The following MARCHF1 variants were observed in gnomAD, a reference collection of about 807,000 sequenced individuals.
MARCHF1 encodes the protein membrane associated ring-CH-type finger 1.
A neutral mutation model predicts 54.2 loss-of-function variants in MARCHF1; 40 were observed. The ratio of observed to expected loss-of-function variants is 0.74; its 90% CI spans 0.57 to 0.96. The LOEUF (loss-of-function observed/expected upper bound fraction) is 0.96, where lower values mean the gene tolerates loss of function less well. Ranked by LOEUF, MARCHF1 falls within the 40% of genes least tolerant of loss-of-function variation. The pLI is 0.00. For missense variants in MARCHF1, 586 were observed against 656.5 expected (o/e 0.89, Z 1.17); for synonymous variants, 236 against 236.3 (o/e 1.00, Z 0.01).
intron 5 of MARCHF1, among the ~76,000 whole-genome samples, chr4:163,640,786 C>T (rs1742525443): frequency 6.6e-6 from 1 of 151,992 alleles, no homozygotes; most frequent in South Asian, 2.1e-4. Flanking sequence ...AGCAAAATTG[C>T]ATTTAATTTT....
chr4:163,865,457 A>G (rs1216325966), intron 3 of MARCHF1, among the ~76,000 whole-genome samples: 2 of 151,896 alleles, frequency 1.3e-5, no homozygotes, highest in Non-Finnish European at 2.9e-5. Context: ...CTGCATCTTA[A>G]AAGCCATTGG....
At chr4:164,382,678 T>A (rs1731402992) in intron 1 of MARCHF1, among the ~76,000 whole-genome samples, 1 of 152,164 alleles carries the variant, frequency 6.6e-6, no homozygotes, top group Non-Finnish European at 1.5e-5. Context: ...TACCACCGCT[T>A]CCTTGTGATC....
intron 9 of MARCHF1, among the ~76,000 whole-genome samples, chr4:163,540,786 C>G (rs1738696668): frequency 6.6e-6 from 1 of 152,190 alleles, no homozygotes; most frequent in African/African-American, 2.4e-5. Flanking sequence ...CTTTGGGAGG[C>G]TGAGGCGAGC....
chr4:164,373,396 C>T (rs1360631670), intron 1 of MARCHF1, among the ~76,000 whole-genome samples: 1 of 146,226 alleles, frequency 6.8e-6, no homozygotes, highest in Non-Finnish European at 1.5e-5. Flanking sequence ...TCACTCTCAC[C>T]CAGGCTAGAA....
chr4:164,081,251 C>CATATTAA (rs1755095945), intron 2 of MARCHF1, among the ~76,000 whole-genome samples: 1 of 116,170 alleles, frequency 8.6e-6, no homozygotes, highest in Non-Finnish European at 1.8e-5. Flanking sequence ...ATATTATTTG[C>CATATTAA]ATATTAAATT....
chr4:163,986,250 T>C (rs1374279842), intron 3 of MARCHF1, among the ~76,000 whole-genome samples: 17 of 7,022 alleles, frequency 2.4e-3, no homozygotes, highest in Non-Finnish European at 5.5e-3. Flanking sequence ...TAACCTCTTC[T>C]TTTTTTTTTT....
chr4:164,040,363 A>T (rs917694373), intron 2 of MARCHF1, among the ~76,000 whole-genome samples: 1 of 126,348 alleles, frequency 7.9e-6, no homozygotes, highest in Non-Finnish European at 1.7e-5. Context: ...TTCTTATTAA[A>T]TACTTACATA....
intron 5 of MARCHF1, among the ~76,000 whole-genome samples, chr4:163,658,589 A>G (rs1460622112): frequency 6.6e-6 from 1 of 151,994 alleles, no homozygotes; most frequent in Non-Finnish European, 1.5e-5. Context: ...TACTATCAAG[A>G]CCATGGAATA....
At chr4:164,184,176 C>A (rs551904184) in intron 1 of MARCHF1, among the ~76,000 whole-genome samples, 1 of 152,284 alleles carries the variant, frequency 6.6e-6, no homozygotes, top group East Asian at 1.9e-4. Context: ...AGCTGGTTTG[C>A]TCAACACCAC....
At chr4:163,533,973 C>CCTCA (rs145642388) in intron 9 of MARCHF1, among the ~76,000 whole-genome samples, 1,654 of 152,024 alleles carry the variant, frequency 0.011, 25 homozygotes, top group African/African-American at 0.036. Flanking sequence ...TTATCGTCAT[C>CCTCA]CTCAGCTGCC....
At chr4:164,144,455 A>G (rs947023243) in intron 1 of MARCHF1, among the ~76,000 whole-genome samples, 5 of 151,580 alleles carry the variant, frequency 3.3e-5, no homozygotes, top group African/African-American at 9.8e-5. Flanking sequence ...AAAGAACAGA[A>G]ATTATAACAA....
chr4:163,664,627 T>C (rs1005687534), intron 5 of MARCHF1, among the ~76,000 whole-genome samples: 11 of 152,054 alleles, frequency 7.2e-5, no homozygotes, highest in African/African-American at 2.7e-4. Context: ...CCTAACATGC[T>C]AGAATAAAGA....
intron 4 of MARCHF1, among the ~76,000 whole-genome samples, chr4:163,744,944 A>G (rs1746313052): frequency 6.6e-6 from 1 of 152,124 alleles, no homozygotes; most frequent in South Asian, 2.1e-4. Flanking sequence ...AATAGGCCTA[A>G]AAATTAGGCT....
intron 1 of MARCHF1, among the ~76,000 whole-genome samples, chr4:164,213,076 T>C (rs1217742047): frequency 6.6e-6 from 1 of 152,114 alleles, no homozygotes; most frequent in East Asian, 1.9e-4. Context: ...ATATATTATA[T>C]ATGTGTGTGT....
At chr4:163,861,059 G>A (rs538532941) in intron 3 of MARCHF1, among the ~76,000 whole-genome samples, 1 of 152,228 alleles carries the variant, frequency 6.6e-6, no homozygotes, top group East Asian at 1.9e-4. Context: ...GGACTATACT[G>A]GAAAAAGGAG....
At chr4:163,717,027 G>A (rs1348046488) in intron 4 of MARCHF1, among the ~76,000 whole-genome samples, 1 of 151,392 alleles carries the variant, frequency 6.6e-6, no homozygotes, top group Non-Finnish European at 1.5e-5. Context: ...TTAAGTTTTA[G>A]TGTACATGTG....
At position 164,004,220 on chromosome 4, in the gene MARCHF1, A is replaced by G. The variant is rs1161198966; in HGVS notation, c.-247-15511T>C. Among the ~76,000 whole-genome samples, 3 of 148,688 alleles carry G rather than the reference A, an allele frequency of 2.0e-5. No individual in the cohort carries two copies. In the Admixed American group the frequency reaches 2.0e-4, roughly 10 times the overall value. On this transcript the variant is annotated intron_variant, in intron 2 of 9. Transcript: ENST00000514618. ...TGGGTGATGGGTTGATAGGTTTAGC[A>G]AACCACCATGGCACATGTTTACATA...
At chr4:163,994,196 G>A (rs1753019626) in intron 2 of MARCHF1, among the ~76,000 whole-genome samples, 1 of 151,712 alleles carries the variant, frequency 6.6e-6, no homozygotes, top group South Asian at 2.1e-4. Context: ...TTTAATTACT[G>A]CTTGCCTCAG....
At chr4:164,238,201 G>A (rs550606047) in intron 1 of MARCHF1, among the ~76,000 whole-genome samples, 26 of 152,024 alleles carry the variant, frequency 1.7e-4, no homozygotes, top group African/African-American at 5.8e-4. Context: ...TCCACTGAGC[G>A]CATAACTGTC....
Sources: allele counts gnomAD v4.1 joint callset (sites outside exome capture counted in the v4.1 genomes callset), GRCh38; gene constraint gnomAD v4.1.1; transcripts MANE v1.5; gene names NCBI Gene and HGNC (gene_info 2026-07-23, HGNC 2026-07-21).